The following ZC3H11A variants were observed in gnomAD, a reference collection of about 807,000 sequenced individuals.
ZC3H11A encodes the protein zinc finger CCCH-type containing 11A, also known as zinc finger CCCH domain-containing protein 11A.
A neutral mutation model predicts 90.8 loss-of-function variants in ZC3H11A; 22 were observed. The ratio of observed to expected loss-of-function variants is 0.24; its 90% confidence interval spans 0.17 to 0.35. ZC3H11A has a LOEUF of 0.35. Among genes scored for constraint, ZC3H11A ranks in the 10% least tolerant of loss-of-function variants. The pLI, the probability that ZC3H11A is intolerant of heterozygous loss-of-function variation, is 1.00. For missense variants in ZC3H11A, 701 were observed against 964.9 expected (o/e 0.73, Z 3.62); for synonymous variants, 294 against 339.8 (o/e 0.87, Z 1.48).
intron 11 of ZC3H11A, among the ~76,000 whole-genome samples, chr1:203,839,332 G>A (rs1393156387): frequency 6.6e-6 from 1 of 152,162 alleles, no homozygotes; most frequent in Non-Finnish European, 1.5e-5. Context: ...ATGCACTATT[G>A]CGCCCCTCAG....
intron 4 of ZC3H11A, among the ~76,000 whole-genome samples, chr1:203,828,070 T>G (rs1039908188): frequency 6.6e-6 from 1 of 152,128 alleles, no homozygotes; most frequent in Non-Finnish European, 1.5e-5. Context: ...GGTTCCAGGA[T>G]GAGGGTAAAA....
At chr1:203,814,252 G>A (rs1450862165) in intron 2 of ZC3H11A, among the ~76,000 whole-genome samples, 1 of 152,236 alleles carries the variant, frequency 6.6e-6, no homozygotes, top group East Asian at 1.9e-4. Flanking sequence ...CCGGCCAGGC[G>A]CTGGCTCACA....
intron 10 of ZC3H11A, among the ~76,000 whole-genome samples, chr1:203,835,097 C>T (rs896245743): frequency 6.6e-6 from 1 of 152,190 alleles, no homozygotes; most frequent in African/African-American, 2.4e-5. Context: ...AACTTAGTCA[C>T]ATTTCAAAGT....
At chr1:203,818,358 A>G (rs551951816) in intron 3 of ZC3H11A, among the ~76,000 whole-genome samples, 2 of 152,272 alleles carry the variant, frequency 1.3e-5, no homozygotes, top group South Asian at 4.2e-4. Context: ...CACTCATGCC[A>G]GATCAAACGA....
At chr1:203,799,349 C>T (rs998445491) in intron 1 of ZC3H11A, 20 of 704,846 alleles carry the variant, frequency 2.8e-5, no homozygotes, top group Non-Finnish European at 4.1e-5. Context: ...TAGTGGCTGC[C>T]AGGAAAACTT....
chr1:203,842,175 G>A (rs1281354908), intron 12 of ZC3H11A, among the ~76,000 whole-genome samples: 2 of 151,584 alleles, frequency 1.3e-5, no homozygotes, highest in Non-Finnish European at 2.9e-5. Context: ...AGGCAGAGAC[G>A]CTCCTCACTT....
chr1:203,796,445 T>C (rs1009113161), intron 1 of ZC3H11A: 1 of 398,954 alleles, frequency 2.5e-6, no homozygotes, highest in Non-Finnish European at 4.4e-6. Flanking sequence ...TCCGTTCTCC[T>C]TGTAGGACTG....
intron 1 of ZC3H11A, chr1:203,798,693 C>T: frequency 6.5e-7 from 1 of 1,536,128 alleles, no homozygotes; most frequent in Non-Finnish European, 8.7e-7. Context: ...GCAAGGCACT[C>T]TGATGCGTGC....
At chr1:203,799,154 T>C (rs888371263) in intron 1 of ZC3H11A, 47 of 1,465,068 alleles carry the variant, frequency 3.2e-5, no homozygotes, top group African/African-American at 4.2e-5. Flanking sequence ...AAGAATTAAA[T>C]GACCAGATTG....
chr1:203,803,495 G>C (rs1671157802), intron 2 of ZC3H11A, among the ~76,000 whole-genome samples: 1 of 152,064 alleles, frequency 6.6e-6, no homozygotes, highest in Admixed American at 6.6e-5. Context: ...CTGGCCCATA[G>C]TTTTTCTTTC....
chr1:203,848,532 C>T, intron 14 of ZC3H11A, 125 bp downstream of exon 14: 1 of 661,666 alleles, frequency 1.5e-6, no homozygotes, highest in Non-Finnish European at 2.5e-6. Flanking sequence ...TTTCTTTTTA[C>T]TTATAATTTC....
At chr1:203,830,292 A>T (rs1467563206) in intron 8 of ZC3H11A, 89 bp downstream of exon 8, 3 of 1,008,848 alleles carry the variant, frequency 3.0e-6, no homozygotes, top group Non-Finnish European at 4.4e-6. Context: ...AAAATGAGCA[A>T]ATAGATTTTC....
At chr1:203,800,021 A>G in intron 1 of ZC3H11A, 1 of 1,536,072 alleles carries the variant, frequency 6.5e-7, no homozygotes, top group Non-Finnish European at 8.7e-7. Flanking sequence ...CCTCATCTCT[A>G]AAAGAAGGCA....
intron 2 of ZC3H11A, chr1:203,806,022 G>C (rs1399121021): frequency 7.3e-6 from 4 of 547,998 alleles, no homozygotes; most frequent in Non-Finnish European, 1.4e-5. Context: ...ATGACTCTTG[G>C]GTGCGATTGT....
chr1:203,828,667 A>G (rs1001194916), intron 5 of ZC3H11A, among the ~76,000 whole-genome samples: 1 of 152,178 alleles, frequency 6.6e-6, no homozygotes, highest in Non-Finnish European at 1.5e-5. Context: ...TTCTTATCAG[A>G]CCCATAAACG....
At chr1:203,818,311 C>T (rs1231338728) in intron 3 of ZC3H11A, among the ~76,000 whole-genome samples, 1 of 149,656 alleles carries the variant, frequency 6.7e-6, no homozygotes, top group Non-Finnish European at 1.5e-5. Flanking sequence ...CCTAACACTC[C>T]TACTTGTCTT....
rs374825408 is a variant in ZC3H11A, at chr1:203,833,747, A to C, written c.812-44A>C. 11 of 1,575,096 alleles carry C rather than the reference A, an allele frequency of 7.0e-6. No individual in the cohort carries two copies. The African/African-American group carries it at 1.2e-4, about 18-fold the overall frequency. The stretch of plus-strand genomic sequence containing the variant: ...ACCCATTAGTAGTTACTGAATACAG[A>C]AAAATTGACTAAGGATAGAGAAATT... On this transcript the variant is annotated intron_variant, in intron 9 of 17. Transcript: ENST00000367210.
chr1:203,813,523 A>G (rs989759058), intron 2 of ZC3H11A, among the ~76,000 whole-genome samples: 17 of 152,182 alleles, frequency 1.1e-4, no homozygotes, highest in Non-Finnish European at 2.4e-4. Context: ...ACATATGTTG[A>G]AAAGACTATC....
chr1:203,850,484 C>T, intron 15 of ZC3H11A, 31 bp from the exon 16 acceptor site: 1 of 1,613,472 alleles, frequency 6.2e-7, no homozygotes, highest in South Asian at 1.1e-5. Flanking sequence ...TCTATTCTCA[C>T]TGCTTATCAG....
Sources: allele counts gnomAD v4.1 joint callset (sites outside exome capture counted in the v4.1 genomes callset), GRCh38; gene constraint gnomAD v4.1.1; transcripts MANE v1.5; gene names NCBI Gene and HGNC (gene_info 2026-07-23, HGNC 2026-07-21).